PAPPA2: variants seen among roughly 807,000 people sequenced by gnomAD.
PAPPA2 encodes pappalysin-2.
In PAPPA2, 86 loss-of-function variants were observed where a neutral mutation model predicts 176.4. The ratio of observed to expected loss-of-function variants is 0.49; its 90% CI spans 0.41 to 0.58. PAPPA2 has a LOEUF of 0.58. PAPPA2 is among the 20% of genes least tolerant of loss of function. The pLI, the probability that PAPPA2 is intolerant of heterozygous loss-of-function variation, is 0.00. For missense variants in PAPPA2, 2,073 were observed against 2,256.9 expected (o/e 0.92, Z 1.65); for synonymous variants, 809 against 852.2 (o/e 0.95, Z 0.88).
At position 176,594,767 on chromosome 1, in the gene PAPPA2, G is replaced by A. The variant is rs920441433; in HGVS notation, c.1163G>A (p.Ser388Asn). The A allele has an allele frequency of 2.5e-6, 4 of 1,614,262 alleles. No homozygotes were observed. The highest frequency in any genetic ancestry group is 3.4e-6 in the Non-Finnish European group (4 of 1,180,050). Reference sequence around the variant, plus strand: ...GTGGATGGCACTCAGGTGGCTAGCAGTCTAGACCAGTCTGGTCCCCTGAAC... The same window carrying A: ...GTGGATGGCACTCAGGTGGCTAGCAATCTAGACCAGTCTGGTCCCCTGAAC... ...LYVDGTQVAS[S>N]LDQSGPLNSP... Residue 388 changes from serine (S) to asparagine (N), a missense_variant, in exon 3 of 23, where the codon AGT becomes AAT. Ser to Asn is a conservative substitution (Grantham distance 46). This residue lies in a region of PAPPA2 where 1,196 missense variants were observed against 1,330.4 expected (regional missense o/e 0.90). Coordinates refer to ENST00000367662, the MANE Select transcript of PAPPA2 (RefSeq NM_020318.3).
intron 1 of PAPPA2, among the ~76,000 whole-genome samples, chr1:176,512,692 T>C (rs1446865321): frequency 6.6e-6 from 1 of 152,228 alleles, no homozygotes; most frequent in Non-Finnish European, 1.5e-5. Flanking sequence ...TACACTGATG[T>C]GTGCATATAT....
intron 2 of PAPPA2, among the ~76,000 whole-genome samples, chr1:176,588,484 A>G (rs970434813): frequency 6.6e-6 from 1 of 152,182 alleles, no homozygotes; most frequent in African/African-American, 2.4e-5. Flanking sequence ...TCACTGGAAA[A>G]AGACTTATTT....
intron 18 of PAPPA2, among the ~76,000 whole-genome samples, 179 bp from the exon 19 acceptor site, chr1:176,791,168 A>T (rs1665157214): frequency 6.8e-6 from 1 of 147,852 alleles, no homozygotes; most frequent in South Asian, 2.1e-4. Context: ...TGGAAAAAGC[A>T]AAGAATTTTT....
At chr1:176,718,703 T>C (rs1392512419) in intron 12 of PAPPA2, among the ~76,000 whole-genome samples, 1 of 151,156 alleles carries the variant, frequency 6.6e-6, no homozygotes, top group African/African-American at 2.4e-5. Context: ...GGTAACTTTT[T>C]TTTTTAAAAA....
At chr1:176,477,432 T>C (rs1652179594) in intron 1 of PAPPA2, among the ~76,000 whole-genome samples, 1 of 152,226 alleles carries the variant, frequency 6.6e-6, no homozygotes, top group Non-Finnish European at 1.5e-5. Context: ...CTCCGTTCTC[T>C]AAACTATACT....
At chr1:176,545,171 C>T (rs936265072) in intron 1 of PAPPA2, among the ~76,000 whole-genome samples, 9 of 152,082 alleles carry the variant, frequency 5.9e-5, no homozygotes, top group Non-Finnish European at 1.3e-4. Flanking sequence ...GCTGGTTTCC[C>T]TTATAATCAG....
Position 176,842,551 on chromosome 1 carries a change from T to C in PAPPA2, c.*97T>C. 8.9e-7 allele frequency: 1 copy of C among 1,121,726 alleles called. No individual in the cohort carries two copies. The highest frequency in any genetic ancestry group is 1.3e-5 in the South Asian group (1 of 74,988). 69.5% of individuals were successfully genotyped at this position (1,121,726 alleles called of 1,614,324 possible). On this transcript the variant is annotated 3_prime_UTR_variant, in exon 23 of 23. Coordinates refer to ENST00000367662, the MANE Select transcript of PAPPA2 (RefSeq NM_020318.3). ...AAGGGTGAATGAAGAAGAACAATCA[T>C]GAAATGGAAGAAGGAGGAAGAGCAT...
intron 8 of PAPPA2, among the ~76,000 whole-genome samples, chr1:176,701,425 A>G (rs1292273895): frequency 1.3e-5 from 2 of 152,214 alleles, no homozygotes; most frequent in East Asian, 3.8e-4. Flanking sequence ...ATTGATTAGG[A>G]TATAAAATTG....
At chr1:176,478,065 G>C (rs1652222530) in intron 1 of PAPPA2, among the ~76,000 whole-genome samples, 1 of 152,210 alleles carries the variant, frequency 6.6e-6, no homozygotes, top group South Asian at 2.1e-4. Flanking sequence ...GAAACTGCTG[G>C]CCTGATCACC....
chr1:176,473,545 CA>C, intron 1 of PAPPA2, among the ~76,000 whole-genome samples: 1 of 152,056 alleles, frequency 6.6e-6, no homozygotes, highest in East Asian at 1.9e-4. Context: ...GGGTAAATAC[CA>C]AAAAAATGTA....
chr1:176,719,510 C>A (rs1343297060), intron 12 of PAPPA2, among the ~76,000 whole-genome samples: 2 of 152,178 alleles, frequency 1.3e-5, no homozygotes, highest in Non-Finnish European at 2.9e-5. Flanking sequence ...TTATCCTTTG[C>A]ACTTTCAATG....
At chr1:176,573,137 T>C (rs79524624) in intron 2 of PAPPA2, among the ~76,000 whole-genome samples, 1 of 152,114 alleles carries the variant, frequency 6.6e-6, no homozygotes, top group Admixed American at 6.5e-5. Context: ...CAGGTGCTGG[T>C]CACTAAGCTA....
intron 3 of PAPPA2, among the ~76,000 whole-genome samples, chr1:176,599,179 G>C (rs567192836): frequency 6.7e-6 from 1 of 149,954 alleles, no homozygotes; most frequent in Non-Finnish European, 1.5e-5. Flanking sequence ...ATATATGTAT[G>C]TATGTATGTA....
intron 4 of PAPPA2, among the ~76,000 whole-genome samples, chr1:176,671,957 C>A (rs1005131040): frequency 2.0e-5 from 3 of 149,678 alleles, no homozygotes; most frequent in Admixed American, 6.6e-5. Flanking sequence ...ATATACCTAA[C>A]GCTAAATGAC....
At chr1:176,696,792 T>C (rs1310892390) in intron 7 of PAPPA2, among the ~76,000 whole-genome samples, 1 of 152,180 alleles carries the variant, frequency 6.6e-6, no homozygotes, top group Admixed American at 6.5e-5. Context: ...TAATCTGCAG[T>C]CTTGATTGTG....
chr1:176,580,646 T>G (rs1410016701), intron 2 of PAPPA2, among the ~76,000 whole-genome samples: 2 of 152,190 alleles, frequency 1.3e-5, no homozygotes, highest in African/African-American at 4.8e-5. Flanking sequence ...CCAGCATTTT[T>G]TTTTTGTCTT....
At chr1:176,610,630 C>T (rs1055826810) in intron 3 of PAPPA2, among the ~76,000 whole-genome samples, 3 of 152,138 alleles carry the variant, frequency 2.0e-5, no homozygotes, top group African/African-American at 7.2e-5. Flanking sequence ...CATTTCTGGG[C>T]AGCAGGTTTT....
Position 176,791,464 on chromosome 1 carries a change from G to T in PAPPA2, c.5002G>T (p.Glu1668Ter). The T allele has an allele frequency of 6.2e-7, 1 of 1,613,800 alleles. No individual in the cohort carries two copies. The highest frequency in any genetic ancestry group is 8.5e-7 in the Non-Finnish European group (1 of 1,179,790). The change falls in exon 19 of 23, where the codon GAA becomes TAA. Residue 1668 changes from glutamate (E) to a stop codon, truncating the protein, a stop_gained. Coordinates refer to ENST00000367662, the MANE Select transcript of PAPPA2 (RefSeq NM_020318.3). LOFTEE classifies it high-confidence loss of function. ...SELNSVEYKC[E>*]QGYGIGAVCS... ...GCTGAATTCTGTGGAGTACAAATGTGAACAAGGATATGGGATTGGTAAGGA... is the reference window on the plus strand; with the variant it reads ...GCTGAATTCTGTGGAGTACAAATGTTAACAAGGATATGGGATTGGTAAGGA...
At chr1:176,616,785 G>A in intron 3 of PAPPA2, 2 of 947,644 alleles carry the variant, frequency 2.1e-6, no homozygotes, top group East Asian at 5.7e-5. Flanking sequence ...GTTCATTCGA[G>A]GTGTATTAAT....
Sources: allele counts gnomAD v4.1 joint callset (sites outside exome capture counted in the v4.1 genomes callset), GRCh38; gene constraint gnomAD v4.1.1; regional missense constraint gnomAD v4.1.1; transcripts MANE v1.5; gene names NCBI Gene and HGNC (gene_info 2026-07-23, HGNC 2026-07-21).